Variants in B3GLCT observed in about 807,000 individuals in gnomAD.
B3GLCT encodes beta 3-glucosyltransferase.
In B3GLCT, 65 loss-of-function variants were observed where a neutral mutation model predicts 63.4. The observed-to-expected ratio is 1.03, with a 90% CI of 0.84 to 1.26. The LOEUF is 1.26. B3GLCT is among the 50% of genes most tolerant of loss of function. The probability of loss-of-function intolerance (pLI) is 0.00; values close to 1 mark genes in which losing one functional copy is unlikely to be tolerated. For synonymous variants in B3GLCT, 233 were observed against 219.2 expected (o/e 1.06, Z -0.55); for missense variants, 577 against 604.8 (o/e 0.95, Z 0.48).
At chr13:31,326,880 A>G (rs1346550067) in intron 14 of B3GLCT, among the ~76,000 whole-genome samples, 2 of 152,252 alleles carry the variant, frequency 1.3e-5, no homozygotes, top group Non-Finnish European at 2.9e-5. Flanking sequence ...TAATGCATGT[A>G]TAGCCTCCCT....
At chr13:31,250,425 C>T (rs568138533) in intron 6 of B3GLCT, among the ~76,000 whole-genome samples, 13 of 152,302 alleles carry the variant, frequency 8.5e-5, no homozygotes, top group Admixed American at 3.3e-4. Flanking sequence ...CTGCCTGCCT[C>T]GGCCTCCCAA....
chr13:31,331,916 A>C lies in B3GLCT; in HGVS notation c.*2248A>C, dbSNP rs1433112624. ...TTAACATCAGGGATTTGTGTGTGGA[A>C]TAACTGGAATGTCATTTTTGCTTTT... On this transcript the variant is annotated 3_prime_UTR_variant, in exon 15 of 15. Transcript: ENST00000343307. 6.6e-6 allele frequency: 1 copy of C among 152,186 alleles called. No individual in the cohort carries two copies. Among genetic ancestry groups the C allele is most frequent in the East Asian group, 1.9e-4 (1 of 5,198 alleles). 9.4% of individuals were successfully genotyped at this position (152,186 alleles called of 1,614,324 possible).
intron 12 of B3GLCT, among the ~76,000 whole-genome samples, chr13:31,297,661 T>C (rs533119519): frequency 6.6e-6 from 1 of 152,066 alleles, no homozygotes; most frequent in Admixed American, 6.5e-5. Context: ...TTCCCACAGT[T>C]TGAGGGCTCA....
chr13:31,203,367 ATGGAC>A (rs759165041), intron 1 of B3GLCT, among the ~76,000 whole-genome samples: 23 of 152,026 alleles, frequency 1.5e-4, no homozygotes, highest in Non-Finnish European at 4.4e-5. Flanking sequence ...TCCCCAGGTC[ATGGAC>A]TTGACCCAGG....
intron 4 of B3GLCT, among the ~76,000 whole-genome samples, chr13:31,245,068 TG>T (rs1460998825): frequency 1.1e-4 from 17 of 152,166 alleles, no homozygotes; most frequent in Non-Finnish European, 7.4e-5. Flanking sequence ...ACAAATATAA[TG>T]GAGCTATGAA....
chr13:31,300,868 G>A (rs1004686483), intron 12 of B3GLCT, among the ~76,000 whole-genome samples: 3 of 152,152 alleles, frequency 2.0e-5, no homozygotes, highest in African/African-American at 7.2e-5. Flanking sequence ...CCCCTCCCCT[G>A]ATCCTAATCT....
In B3GLCT at chr13:31,244,053, C is replaced by T. The variant is rs75425508; in HGVS notation, c.271-2970C>T. ...CATGATTAGGCATCATTTAGATTGA[C>T]GACAGTTGTTGCATGCATGAATGCC... is the stretch of plus-strand genomic sequence containing the variant. On this transcript the variant is annotated intron_variant, in intron 4 of 14. Coordinates refer to ENST00000343307, the MANE Select transcript of B3GLCT (RefSeq NM_194318.4). Among the ~76,000 whole-genome samples the T allele has an allele frequency of 6.8e-3, 1,042 of 152,294 alleles. 15 individuals are homozygous for T. Among genetic ancestry groups the T allele is most frequent in the African/African-American group, 0.024 (1,006 of 41,562 alleles).
chr13:31,308,651 C>T (rs576396182), intron 12 of B3GLCT, among the ~76,000 whole-genome samples: 1 of 152,250 alleles, frequency 6.6e-6, no homozygotes, highest in African/African-American at 2.4e-5. Flanking sequence ...AAAGATACTG[C>T]CCCTAAATTA....
Position 31,329,662 on chromosome 13 carries a change from G to A in B3GLCT, c.1491G>A (p.Glu497=). Residue 497 remains glutamate (E), a synonymous_variant, in exon 15 of 15, where the codon GAG becomes GAA. Transcript: ENST00000343307. ...RQETQKGFRE[E]L The stretch of plus-strand genomic sequence containing the variant: ...AGACACAGAAAGGTTTTCGAGAGGA[G>A]TTATAAATCAGGGTGACCTGTGCGC... 1 of 1,614,194 alleles carries A rather than the reference G, an allele frequency of 6.2e-7. No homozygotes were observed. The highest frequency in any genetic ancestry group is 2.2e-5 in the East Asian group (1 of 44,872).
chr13:31,329,789 T>G lies in B3GLCT; in HGVS notation c.*121T>G. The G allele has an allele frequency of 9.2e-7, 1 of 1,085,396 alleles. No homozygotes were observed. The highest frequency in any genetic ancestry group is 1.4e-6 in the Non-Finnish European group (1 of 728,582). 67.2% of individuals were successfully genotyped at this position (1,085,396 alleles called of 1,614,324 possible). ...CATGGCATTGGGTGCTTCCTGACTT[T>G]AGGGGGAGATTTTATGTATGGTATT... On this transcript the variant is annotated 3_prime_UTR_variant, in exon 15 of 15. Coordinates refer to ENST00000343307, the MANE Select transcript of B3GLCT (RefSeq NM_194318.4).
At chr13:31,217,483 G>C (rs573838804) in intron 2 of B3GLCT, among the ~76,000 whole-genome samples, 62 of 152,156 alleles carry the variant, frequency 4.1e-4, no homozygotes, top group Admixed American at 1.8e-3. Flanking sequence ...TTGTTTTGCA[G>C]TTGCTTTTGT....
intron 3 of B3GLCT, among the ~76,000 whole-genome samples, chr13:31,226,856 A>G (rs1870128758): frequency 6.6e-6 from 1 of 152,256 alleles, no homozygotes; most frequent in Non-Finnish European, 1.5e-5. Flanking sequence ...TGTTCATTAG[A>G]TTAAGAAATA....
At chr13:31,324,309 T>G (rs528900224) in intron 14 of B3GLCT, among the ~76,000 whole-genome samples, 1 of 152,350 alleles carries the variant, frequency 6.6e-6, no homozygotes, top group African/African-American at 2.4e-5. Flanking sequence ...TTTTACGCTA[T>G]CTGTCTTTTC....
intron 6 of B3GLCT, among the ~76,000 whole-genome samples, chr13:31,260,719 T>C (rs1411091212): frequency 3.9e-5 from 6 of 152,220 alleles, no homozygotes; most frequent in Non-Finnish European, 7.3e-5. Flanking sequence ...ATTTTGTTCA[T>C]CTTGATGATC....
chr13:31,222,583 T>A (rs142001101), intron 2 of B3GLCT, among the ~76,000 whole-genome samples: 16 of 152,352 alleles, frequency 1.1e-4, no homozygotes, highest in East Asian at 1.9e-4. Context: ...TCCTCTGATA[T>A]GTTCCTAATG....
chr13:31,243,095 G>T (rs1871032508), intron 4 of B3GLCT, among the ~76,000 whole-genome samples: 1 of 152,152 alleles, frequency 6.6e-6, no homozygotes. Context: ...TTTATTTGTT[G>T]TTCTAAAAGC....
chr13:31,245,709 G>T (rs1871168334), intron 4 of B3GLCT, among the ~76,000 whole-genome samples: 1 of 152,012 alleles, frequency 6.6e-6, no homozygotes, highest in Non-Finnish European at 1.5e-5. Context: ...AAAGTTTTAT[G>T]CAAATAGTAA....
At chr13:31,223,498 C>T (rs571072987) in intron 3 of B3GLCT, among the ~76,000 whole-genome samples, 1 of 152,308 alleles carries the variant, frequency 6.6e-6, no homozygotes, top group East Asian at 1.9e-4. Context: ...GCCTGGAAGC[C>T]GTTACTCCTT....
intron 6 of B3GLCT, among the ~76,000 whole-genome samples, chr13:31,255,241 C>A (rs1029461871): frequency 6.6e-6 from 1 of 152,024 alleles, no homozygotes; most frequent in Admixed American, 6.6e-5. Flanking sequence ...ATACAACTTA[C>A]AAGGGATGTG....
Sources: allele counts gnomAD v4.1 joint callset (sites outside exome capture counted in the v4.1 genomes callset), GRCh38; gene constraint gnomAD v4.1.1; transcripts MANE v1.5; gene names NCBI Gene and HGNC (gene_info 2026-07-23, HGNC 2026-07-21).